MGAT5: variants seen among roughly 807,000 people sequenced by gnomAD.
The protein encoded by MGAT5 is alpha-1,6-mannosylglycoprotein 6-beta-N-acetylglucosaminyltransferase.
A neutral mutation model predicts 94.3 loss-of-function variants in MGAT5; 30 were observed. The ratio of observed to expected loss-of-function variants is 0.32; its 90% confidence interval spans 0.24 to 0.43. The LOEUF is 0.43. Ranked by LOEUF, MGAT5 falls within the 20% of genes least tolerant of loss-of-function variation. The pLI is 1.00. For synonymous variants in MGAT5, 310 were observed against 322.9 expected (o/e 0.96, Z 0.43); for missense variants, 691 against 905.5 (o/e 0.76, Z 3.04).
intron 12 of MGAT5, among the ~76,000 whole-genome samples, chr2:134,421,055 G>A (rs1021546035): frequency 2.0e-5 from 3 of 152,134 alleles, no homozygotes; most frequent in Admixed American, 6.5e-5. Context: ...GTGTGTTTAC[G>A]TATGCCCACA....
intron 2 of MGAT5, among the ~76,000 whole-genome samples, chr2:134,287,330 T>C (rs1378633248): frequency 1.3e-5 from 2 of 152,262 alleles, no homozygotes; most frequent in African/African-American, 2.4e-5. Context: ...GAATCAATAT[T>C]CTTCGCTCAT....
intron 1 of MGAT5, among the ~76,000 whole-genome samples, chr2:134,144,693 G>T (rs1686828835): frequency 6.6e-6 from 1 of 152,184 alleles, no homozygotes; most frequent in South Asian, 2.1e-4. Context: ...ATATTTATAA[G>T]TTGGCAGTAG....
chr2:134,259,081 T>G (rs553250616), intron 1 of MGAT5, among the ~76,000 whole-genome samples: 1 of 152,356 alleles, frequency 6.6e-6, no homozygotes, highest in Non-Finnish European at 1.5e-5. Context: ...AAAGTGATAC[T>G]CAGAACTCCC....
intron 1 of MGAT5, among the ~76,000 whole-genome samples, chr2:134,196,940 G>A (rs1679523607): frequency 6.6e-6 from 1 of 152,198 alleles, no homozygotes; most frequent in Non-Finnish European, 1.5e-5. Context: ...TGATTTACAA[G>A]GGGATTTCCT....
At chr2:134,281,071 A>G (rs926722281) in intron 2 of MGAT5, among the ~76,000 whole-genome samples, 34 of 152,222 alleles carry the variant, frequency 2.2e-4, no homozygotes, top group Admixed American at 1.8e-3. Flanking sequence ...GTCCACTTAC[A>G]TACTTGCTGT....
intron 10 of MGAT5, among the ~76,000 whole-genome samples, chr2:134,367,814 A>G (rs1032021782): frequency 5.3e-5 from 8 of 152,256 alleles, no homozygotes; most frequent in Admixed American, 5.2e-4. Flanking sequence ...CTTTGTAGGC[A>G]TTCAGCAAAA....
rs141701077 is a variant in MGAT5, at chr2:134,196,831, T to C, written c.-142-57431T>C. Reference sequence around the variant, plus strand: ...CAGTTCTTCTAGTGCGGCCCTTTGGTGAAGCCAAAACATTGGCTGCCCCTA... The same window carrying C: ...CAGTTCTTCTAGTGCGGCCCTTTGGCGAAGCCAAAACATTGGCTGCCCCTA... On this transcript the variant is annotated intron_variant, in intron 1 of 16. Transcript: ENST00000409645. Among the ~76,000 whole-genome samples the C allele has an allele frequency of 9.8e-5, 15 of 152,372 alleles. 2 individuals carry two copies. Among genetic ancestry groups the C allele is most frequent in the African/African-American group, 3.6e-4 (15 of 41,590 alleles).
intron 10 of MGAT5, among the ~76,000 whole-genome samples, chr2:134,386,365 G>A (rs1407050682): frequency 6.6e-6 from 1 of 152,034 alleles, no homozygotes; most frequent in Non-Finnish European, 1.5e-5. Flanking sequence ...CAAATGGGTT[G>A]GTGTATCAAA....
intron 1 of MGAT5, among the ~76,000 whole-genome samples, chr2:134,259,484 C>A (rs566140896): frequency 6.6e-6 from 1 of 152,148 alleles, no homozygotes; most frequent in Non-Finnish European, 1.5e-5. Flanking sequence ...GTGACATTTC[C>A]CCTTATGGTC....
intron 1 of MGAT5, among the ~76,000 whole-genome samples, chr2:134,160,050 G>A (rs980347446): frequency 6.6e-6 from 1 of 152,132 alleles, no homozygotes; most frequent in Non-Finnish European, 1.5e-5. Flanking sequence ...TCAGCTGGCT[G>A]CTGCTGTGCT....
intron 1 of MGAT5, among the ~76,000 whole-genome samples, chr2:134,249,012 G>A (rs572110104): frequency 1.5e-4 from 23 of 152,006 alleles, no homozygotes; most frequent in African/African-American, 5.1e-4. Context: ...CCAGGAGCCT[G>A]TAAGGTTGAT....
chr2:134,291,603 C>A (rs1479266693), intron 2 of MGAT5, among the ~76,000 whole-genome samples: 1 of 152,144 alleles, frequency 6.6e-6, no homozygotes, highest in Non-Finnish European at 1.5e-5. Context: ...GGGAGAGAGT[C>A]CAGGACTTGA....
intron 10 of MGAT5, among the ~76,000 whole-genome samples, chr2:134,390,435 T>C (rs1466126522): frequency 2.6e-5 from 4 of 152,264 alleles, no homozygotes; most frequent in Non-Finnish European, 5.9e-5. Context: ...ACATGTGCCA[T>C]GTTGGTGTGC....
intron 2 of MGAT5, among the ~76,000 whole-genome samples, chr2:134,274,250 G>A (rs1228030027): frequency 6.6e-6 from 1 of 152,206 alleles, no homozygotes; most frequent in Non-Finnish European, 1.5e-5. Flanking sequence ...CACATGGATT[G>A]GTTTCTATTG....
At chr2:134,344,120 C>T (rs1260320714) in intron 7 of MGAT5, among the ~76,000 whole-genome samples, 1 of 152,114 alleles carries the variant, frequency 6.6e-6, no homozygotes, top group Non-Finnish European at 1.5e-5. Flanking sequence ...TGCAGATAAG[C>T]AACAGTGGTG....
At chr2:134,298,477 A>G (rs1685823297) in intron 2 of MGAT5, among the ~76,000 whole-genome samples, 1 of 152,200 alleles carries the variant, frequency 6.6e-6, no homozygotes, top group Non-Finnish European at 1.5e-5. Flanking sequence ...TTCTTTTCAT[A>G]ATAAGTTATG....
chr2:134,164,395 C>T (rs561115978), intron 1 of MGAT5, among the ~76,000 whole-genome samples: 30 of 152,164 alleles, frequency 2.0e-4, no homozygotes, highest in African/African-American at 6.0e-4. Context: ...AGAAATGAGA[C>T]CAAATTTGGG....
intron 10 of MGAT5, among the ~76,000 whole-genome samples, chr2:134,380,234 T>TA (rs1681449100): frequency 6.6e-6 from 1 of 152,210 alleles, no homozygotes; most frequent in Non-Finnish European, 1.5e-5. Flanking sequence ...GCATAATACT[T>TA]ACCTCATGGG....
chr2:134,139,349 G>A (rs892876948), intron 1 of MGAT5, among the ~76,000 whole-genome samples: 1 of 152,228 alleles, frequency 6.6e-6, no homozygotes, highest in Non-Finnish European at 1.5e-5. Context: ...AGTAAGGTGT[G>A]TAGATACAAA....
Sources: allele counts gnomAD v4.1 joint callset (sites outside exome capture counted in the v4.1 genomes callset), GRCh38; gene constraint gnomAD v4.1.1; transcripts MANE v1.5; gene names NCBI Gene and HGNC (gene_info 2026-07-23, HGNC 2026-07-21).